Variants in C12orf42 observed in about 807,000 individuals in gnomAD.
The protein encoded by C12orf42 is chromosome 12 open reading frame 42.
C12orf42 carries 25 observed loss-of-function variants against 21.6 expected under a neutral mutation model. The ratio of observed to expected loss-of-function variants is 1.16; its 90% CI spans 0.84 to 1.62. C12orf42 has a LOEUF of 1.62. Ranked by LOEUF, C12orf42 falls within the 40% of genes most tolerant of loss-of-function variation. The pLI, the probability that C12orf42 is intolerant of heterozygous loss-of-function variation, is 0.00. For missense variants in C12orf42, 483 were observed against 459.3 expected (o/e 1.05, Z -0.47); for synonymous variants, 174 against 175.0 (o/e 0.99, Z 0.05).
chr12:103,509,445 T>C, the C12orf42 span, among the ~76,000 whole-genome samples: 1 of 152,080 alleles, frequency 6.6e-6, no homozygotes, highest in African/African-American at 2.4e-5. Context: ...GGAAATGCAA[T>C]TTAAACAACA....
chr12:103,078,030 A>T, the C12orf42 span, among the ~76,000 whole-genome samples: 1 of 152,224 alleles, frequency 6.6e-6, no homozygotes, highest in Non-Finnish European at 1.5e-5. Flanking sequence ...GCACTGGATT[A>T]AGGCCAAAAA....
chr12:103,486,404 T>C (rs1378829879), intron 1 of C12orf42, among the ~76,000 whole-genome samples: 1 of 152,208 alleles, frequency 6.6e-6, no homozygotes, highest in Non-Finnish European at 1.5e-5. Context: ...TTTGCATCAA[T>C]GTCCATCAGG....
downstream of C12orf42, among the ~76,000 whole-genome samples, chr12:103,298,445 G>A (rs144199770): frequency 1.1e-4 from 16 of 152,258 alleles, no homozygotes; most frequent in South Asian, 8.3e-4. Flanking sequence ...ACTGTTCAAC[G>A]AAATCAAAGA....
At chr12:103,410,887 T>G (rs1196591298) in intron 2 of C12orf42, among the ~76,000 whole-genome samples, 1 of 152,180 alleles carries the variant, frequency 6.6e-6, no homozygotes, top group Non-Finnish European at 1.5e-5. Context: ...TGAGCACATC[T>G]CAGCAACTGT....
intron 5 of C12orf42, among the ~76,000 whole-genome samples, chr12:103,276,030 G>A (rs1288313715): frequency 1.3e-5 from 2 of 152,116 alleles, no homozygotes; most frequent in African/African-American, 4.8e-5. Context: ...CTATGATCAT[G>A]CCTCCGCACT....
chr12:103,464,091 G>T (rs879477359), intron 2 of C12orf42, among the ~76,000 whole-genome samples: 14 of 152,164 alleles, frequency 9.2e-5, no homozygotes, highest in Non-Finnish European at 1.6e-4. Flanking sequence ...TATATAACCA[G>T]TAATGAGATT....
the C12orf42 span, among the ~76,000 whole-genome samples, chr12:103,520,700 A>C: frequency 1.3e-5 from 2 of 152,250 alleles, no homozygotes; most frequent in Admixed American, 6.5e-5. Context: ...AATGAAAAAA[A>C]AAATAAAACT....
intron 4 of C12orf42, among the ~76,000 whole-genome samples, chr12:103,353,632 C>A (rs1358241000): frequency 2.0e-5 from 3 of 152,148 alleles, no homozygotes; most frequent in African/African-American, 7.2e-5. Flanking sequence ...AACTAAGCCC[C>A]AGGTTTGTAT....
At chr12:103,376,655 A>C (rs1395802773) in intron 3 of C12orf42, among the ~76,000 whole-genome samples, 1 of 152,136 alleles carries the variant, frequency 6.6e-6, no homozygotes, top group Admixed American at 6.5e-5. Flanking sequence ...TTTGTGAGCT[A>C]TCTGGGAGAT....
the C12orf42 span, among the ~76,000 whole-genome samples, chr12:103,122,206 C>T: frequency 1.3e-4 from 20 of 152,218 alleles, no homozygotes; most frequent in African/African-American, 4.8e-4. Flanking sequence ...CAACTCTTCT[C>T]TCTGCATGTT....
the C12orf42 span, among the ~76,000 whole-genome samples, chr12:103,098,629 C>T: frequency 6.6e-6 from 1 of 152,166 alleles, no homozygotes; most frequent in African/African-American, 2.4e-5. Flanking sequence ...CATCGTGCAG[C>T]TTCATCTAGA....
At chr12:103,146,610 A>AGAAAGAAAGAAAGAT in the C12orf42 span, among the ~76,000 whole-genome samples, 1 of 147,686 alleles carries the variant, frequency 6.8e-6, no homozygotes, top group Middle Eastern at 3.3e-3. Context: ...GAAAGAAAGA[A>AGAAAGAAAGAAAGAT]AAAGAAAAGT....
At chr12:103,371,884 A>G (rs916816178) in intron 3 of C12orf42, among the ~76,000 whole-genome samples, 1 of 152,154 alleles carries the variant, frequency 6.6e-6, no homozygotes, top group African/African-American at 2.4e-5. Flanking sequence ...TATTACCCCA[A>G]TTTTACAGAT....
chr12:103,235,750 T>C (rs750683399), downstream of C12orf42, among the ~76,000 whole-genome samples: 4 of 152,176 alleles, frequency 2.6e-5, no homozygotes, highest in Admixed American at 6.5e-5. Context: ...CACATGGTAG[T>C]GTTTAACCAC....
the C12orf42 span, among the ~76,000 whole-genome samples, chr12:103,131,079 C>T: frequency 6.6e-6 from 1 of 152,120 alleles, no homozygotes; most frequent in Non-Finnish European, 1.5e-5. Context: ...TTTCCAGCTG[C>T]CTACATGGGT....
the C12orf42 span, among the ~76,000 whole-genome samples, chr12:103,062,779 G>A: frequency 6.6e-6 from 1 of 151,988 alleles, no homozygotes; most frequent in Non-Finnish European, 1.5e-5. Context: ...GCGGCTTGAA[G>A]TCTATTAATT....
Position 103,435,037 on chromosome 12 carries a change from C to A in C12orf42, c.79-33362G>T, listed in dbSNP as rs546504387. ...TTGAAGAGAGCAGTGGTTCTCCCAGCACGCAGCTGGAGATCTGAGAACAGG... is the reference window on the plus strand; with the variant it reads ...TTGAAGAGAGCAGTGGTTCTCCCAGAACGCAGCTGGAGATCTGAGAACAGG... On this transcript the variant is annotated intron_variant, in intron 2 of 5. Transcript: ENST00000548883. Among the ~76,000 whole-genome samples, 448 of 152,222 alleles carry A rather than the reference C, an allele frequency of 2.9e-3. 1 individual carries two copies. The highest frequency in any genetic ancestry group is 0.01 in the African/African-American group (428 of 41,550).
At chr12:103,266,869 T>G (rs150484289), downstream of C12orf42, among the ~76,000 whole-genome samples, 908 of 152,204 alleles carry the variant, frequency 6.0e-3, 12 homozygotes, top group African/African-American at 0.021. Flanking sequence ...AAAAATAACC[T>G]TCTAGGGTAT....
the C12orf42 span, among the ~76,000 whole-genome samples, chr12:103,101,926 G>A: frequency 6.6e-6 from 1 of 152,200 alleles, no homozygotes; most frequent in African/African-American, 2.4e-5. Context: ...CCAGTAGTAG[G>A]CTAAACTAGA....
Sources: allele counts gnomAD v4.1 joint callset (sites outside exome capture counted in the v4.1 genomes callset), GRCh38; gene constraint gnomAD v4.1.1; transcripts MANE v1.5; gene names NCBI Gene and HGNC (gene_info 2026-07-23, HGNC 2026-07-21).